The following LRP1B variants were observed in gnomAD, a reference collection of about 807,000 sequenced individuals.
The protein encoded by LRP1B is low-density lipoprotein receptor-related protein 1B.
In LRP1B, 217 loss-of-function variants were observed where a neutral mutation model predicts 556.6. The ratio of observed to expected loss-of-function variants is 0.39; its 90% CI spans 0.35 to 0.44. The LOEUF is 0.44. Among genes scored for constraint, LRP1B ranks in the 20% least tolerant of loss-of-function variants. The pLI is 1.00. For missense variants in LRP1B, 5,053 were observed against 5,620.8 expected, an observed-to-expected ratio of 0.90 and a Z score of 3.23; for synonymous variants, 2,047 against 1,865.8, an observed-to-expected ratio of 1.10 and a Z score of -2.50.
chr2:141,877,782 C>T lies in LRP1B; in HGVS notation c.83-67381G>A, dbSNP rs564002119. On this transcript the variant is annotated intron_variant, in intron 1 of 90. Transcript: ENST00000389484. Reference sequence around the variant, plus strand: ...TCTGATATCTAAGCAAAGTGGTATTCCCATAGAAAAATAAGTTAATTTGGA... The same window carrying T: ...TCTGATATCTAAGCAAAGTGGTATTTCCATAGAAAAATAAGTTAATTTGGA... Among the ~76,000 whole-genome samples the T allele has an allele frequency of 1.8e-3, 266 of 151,898 alleles. 2 individuals carry two copies. Among genetic ancestry groups the T allele is most frequent in the Non-Finnish European group, 3.3e-3 (226 of 67,914 alleles).
chr2:141,179,112 A>T (rs1413420163), intron 7 of LRP1B, among the ~76,000 whole-genome samples: 1 of 152,040 alleles, frequency 6.6e-6, no homozygotes, highest in African/African-American at 2.4e-5. Context: ...AACTTTTATC[A>T]AATTAAATAA....
In LRP1B at chr2:141,124,246, T is replaced by C. The variant is rs778685804; in HGVS notation, c.1014-61973A>G. On this transcript the variant is annotated intron_variant, in intron 7 of 90. Coordinates refer to ENST00000389484, the MANE Select transcript of LRP1B (RefSeq NM_018557.3). ...TAGGAAATTGTTTGCATAGTTTATG[T>C]GTTTGACTCCCAAGGCCACTGAACA... Among the ~76,000 whole-genome samples the C allele has an allele frequency of 3.9e-5, 6 of 152,122 alleles. No homozygotes were observed. The South Asian group carries it at 1.2e-3, about 32-fold the overall frequency.
At chr2:140,963,199 T>A (rs1055590762) in intron 18 of LRP1B, among the ~76,000 whole-genome samples, 1 of 151,976 alleles carries the variant, frequency 6.6e-6, no homozygotes, top group Non-Finnish European at 1.5e-5. Flanking sequence ...AAATAATAAA[T>A]TTAATATTAA....
At chr2:141,800,644 T>C (rs1461691008) in intron 2 of LRP1B, among the ~76,000 whole-genome samples, 1 of 152,188 alleles carries the variant, frequency 6.6e-6, no homozygotes, top group Non-Finnish European at 1.5e-5. Context: ...GCACAGTATC[T>C]GGCACATATG....
intron 85 of LRP1B, 33 bp from the exon 86 acceptor site, chr2:140,270,379 T>C: frequency 7.5e-7 from 1 of 1,337,366 alleles, no homozygotes; most frequent in Non-Finnish European, 1.1e-6. Flanking sequence ...AACAATTTCA[T>C]TGTTATTGGC....
intron 59 of LRP1B, among the ~76,000 whole-genome samples, chr2:140,476,697 T>C (rs1687989492): frequency 6.6e-6 from 1 of 151,952 alleles, no homozygotes; most frequent in South Asian, 2.1e-4. Flanking sequence ...CAAACTATCA[T>C]TGAAGTAATA....
intron 7 of LRP1B, among the ~76,000 whole-genome samples, chr2:141,158,078 C>A (rs74777234): frequency 0.051 from 7,810 of 152,164 alleles, 240 homozygotes; most frequent in African/African-American, 0.081. Context: ...TACTGGAAAT[C>A]AGATCTTCTC....
At chr2:141,636,923 A>C (rs1001040701) in intron 2 of LRP1B, among the ~76,000 whole-genome samples, 3 of 152,144 alleles carry the variant, frequency 2.0e-5, no homozygotes, top group Admixed American at 2.0e-4. Flanking sequence ...ATATAGAAGG[A>C]TGCCTGGAAA....
At chr2:142,097,194 A>C (rs985805281) in intron 1 of LRP1B, among the ~76,000 whole-genome samples, 8 of 151,690 alleles carry the variant, frequency 5.3e-5, no homozygotes, top group African/African-American at 1.9e-4. Flanking sequence ...TAACATCAAA[A>C]ATTACCTATT....
intron 63 of LRP1B, among the ~76,000 whole-genome samples, chr2:140,448,252 T>C (rs1346080807): frequency 6.6e-6 from 1 of 152,118 alleles, no homozygotes; most frequent in South Asian, 2.1e-4. Flanking sequence ...AAATAAGTTA[T>C]GCCTGTATAT....
intron 41 of LRP1B, among the ~76,000 whole-genome samples, chr2:140,698,584 T>A (rs887892665): frequency 6.6e-6 from 1 of 152,056 alleles, no homozygotes; most frequent in Non-Finnish European, 1.5e-5. Flanking sequence ...TCTCATTGTG[T>A]TGTTTTGGTT....
chr2:140,439,270 C>T (rs1686322024), intron 66 of LRP1B, among the ~76,000 whole-genome samples: 1 of 152,120 alleles, frequency 6.6e-6, no homozygotes, highest in East Asian at 1.9e-4. Context: ...CTGGTGTTTG[C>T]CCAAGCTTGT....
chr2:141,120,864 A>T (rs765860368), intron 7 of LRP1B, among the ~76,000 whole-genome samples: 106 of 151,984 alleles, frequency 7.0e-4, no homozygotes, highest in Non-Finnish European at 1.3e-3. Flanking sequence ...TGAGGTATTA[A>T]GTAAGATGCT....
Position 141,518,774 on chromosome 2 carries a change from C to A in LRP1B, c.206-38241G>T, listed in dbSNP as rs531939894. 6.6e-5 allele frequency among the ~76,000 whole-genome samples: 10 copies of A among 152,144 alleles called. No homozygotes were observed. The East Asian group carries it at 1.2e-3, about 18-fold the overall frequency. ...GACCAGCCTGGCCAACATGGTGAAA[C>A]CCTGTCACTACTAAAAATTCAAAAA... is the stretch of plus-strand genomic sequence containing the variant. On this transcript the variant is annotated intron_variant, in intron 2 of 90. Transcript: ENST00000389484.
At chr2:140,755,517 A>G (rs1688714751) in intron 35 of LRP1B, among the ~76,000 whole-genome samples, 1 of 152,010 alleles carries the variant, frequency 6.6e-6, no homozygotes, top group Admixed American at 6.6e-5. Context: ...TAACTTAAAC[A>G]TTTTGGAAAT....
chr2:141,875,199 G>A (rs114069689), intron 1 of LRP1B, among the ~76,000 whole-genome samples: 293 of 151,510 alleles, frequency 1.9e-3, no homozygotes, highest in African/African-American at 6.8e-3. Flanking sequence ...TATAAGAGAT[G>A]GGGCCTTTCC....
intron 31 of LRP1B, among the ~76,000 whole-genome samples, chr2:140,819,680 A>T (rs1691253896): frequency 6.6e-6 from 1 of 152,172 alleles, no homozygotes; most frequent in African/African-American, 2.4e-5. Context: ...ATTAAAATGA[A>T]AATTGTTATA....
intron 21 of LRP1B, among the ~76,000 whole-genome samples, chr2:140,912,379 C>T (rs1382645985): frequency 6.6e-6 from 1 of 151,458 alleles, no homozygotes; most frequent in Non-Finnish European, 1.5e-5. Context: ...GCTTAAACTC[C>T]CTTCTTTATA....
At chr2:140,538,023 G>A (rs1679991638) in intron 45 of LRP1B, among the ~76,000 whole-genome samples, 1 of 152,042 alleles carries the variant, frequency 6.6e-6, no homozygotes, top group African/African-American at 2.4e-5. Flanking sequence ...TTGGAGGTAA[G>A]TAGAATTCAT....
Sources: gnomAD v4.1 joint callset for allele counts (sites outside exome capture counted in the v4.1 genomes callset) on GRCh38, gnomAD v4.1.1 for gene constraint, MANE v1.5 for transcripts, NCBI Gene and HGNC (gene_info 2026-07-23, HGNC 2026-07-21) for gene names.